SMYD3: variants seen among roughly 807,000 people sequenced by gnomAD.
SMYD3 encodes SET and MYND domain containing 3, also known as histone-lysine N-methyltransferase SMYD3.
Under a neutral mutation model 57.7 loss-of-function variants are expected in SMYD3, and 36 were observed. That is an observed-to-expected ratio of 0.62 (90% CI 0.48 to 0.82). The LOEUF (loss-of-function observed/expected upper bound fraction) is 0.82, where lower values mean the gene tolerates loss of function less well. Ranked by LOEUF, SMYD3 falls within the 40% of genes least tolerant of loss-of-function variation. The pLI, the probability that SMYD3 is intolerant of heterozygous loss-of-function variation, is 0.00. For missense variants in SMYD3, 515 were observed against 538.8 expected, an observed-to-expected ratio of 0.96 and a Z score of 0.44; for synonymous variants, 211 against 195.0, an observed-to-expected ratio of 1.08 and a Z score of -0.68.
chr1:246,221,597 G>A (rs1453094857), intron 5 of SMYD3, among the ~76,000 whole-genome samples: 1 of 152,192 alleles, frequency 6.6e-6, no homozygotes, highest in Non-Finnish European at 1.5e-5. Flanking sequence ...ATTCCCCGGT[G>A]CCAGACGGGA....
chr1:246,423,113 A>G (rs2067166962), intron 1 of SMYD3, among the ~76,000 whole-genome samples: 1 of 152,094 alleles, frequency 6.6e-6, no homozygotes, highest in East Asian at 1.9e-4. Context: ...TCTGACCAAC[A>G]TGGTGAAACC....
At chr1:246,238,579 T>C (rs1181502435) in intron 5 of SMYD3, among the ~76,000 whole-genome samples, 2 of 152,190 alleles carry the variant, frequency 1.3e-5, no homozygotes, top group African/African-American at 4.8e-5. Flanking sequence ...AAATGCAATC[T>C]TATGCCATTC....
chr1:245,791,952 TTGTGTG>T (rs59018021), intron 10 of SMYD3, among the ~76,000 whole-genome samples: 5,450 of 146,204 alleles, frequency 0.037, 326 homozygotes, highest in African/African-American at 0.13. Context: ...AATTTTAAAC[TTGTGTG>T]TGTGTGTGTG....
intron 1 of SMYD3, among the ~76,000 whole-genome samples, chr1:246,487,938 C>T (rs1379753756): frequency 2.0e-5 from 3 of 152,166 alleles, no homozygotes; most frequent in Non-Finnish European, 4.4e-5. Flanking sequence ...AGGTGATCTG[C>T]ATGCCTCAGC....
At chr1:245,810,597 G>A (rs1235274613) in intron 10 of SMYD3, among the ~76,000 whole-genome samples, 1 of 152,162 alleles carries the variant, frequency 6.6e-6, no homozygotes, top group Non-Finnish European at 1.5e-5. Flanking sequence ...AGTGATTCAA[G>A]AACTGATCAT....
intron 9 of SMYD3, among the ~76,000 whole-genome samples, chr1:245,863,388 T>C (rs2148492496): frequency 6.6e-6 from 1 of 152,266 alleles, no homozygotes; most frequent in African/African-American, 2.4e-5. Context: ...TAGTCGTGGC[T>C]GGTTTAATAT....
At chr1:245,860,168 A>G (rs1298947054) in intron 9 of SMYD3, among the ~76,000 whole-genome samples, 2 of 151,170 alleles carry the variant, frequency 1.3e-5, no homozygotes, top group African/African-American at 4.9e-5. Context: ...TCGTGCCCCC[A>G]CACCCCTCCC....
intron 10 of SMYD3, among the ~76,000 whole-genome samples, chr1:245,828,955 G>A (rs903039377): frequency 1.3e-5 from 2 of 151,744 alleles, no homozygotes; most frequent in Middle Eastern, 3.2e-3. Flanking sequence ...TGCCTGACTC[G>A]GCCTCCCAAA....
At position 245,875,847 on chromosome 1, in the gene SMYD3, T is replaced by A. The variant is rs115809316; in HGVS notation, c.814-11961A>T. ...CTACTCTGAAAGTAAGATTTTAAGG[T>A]TTGTAAATGCTTACCAACTAAAATA... On this transcript the variant is annotated intron_variant, in intron 8 of 11. Coordinates refer to ENST00000490107, the MANE Select transcript of SMYD3 (RefSeq NM_001167740.2). 5.9e-3 allele frequency among the ~76,000 whole-genome samples: 894 copies of A among 152,312 alleles called. 3 individuals are homozygous for A. Among genetic ancestry groups the A allele is most frequent in the South Asian group, 0.014 (67 of 4,820 alleles).
chr1:246,099,097 T>C (rs79016376), intron 5 of SMYD3, among the ~76,000 whole-genome samples: 2,219 of 152,316 alleles, frequency 0.015, 55 homozygotes, highest in African/African-American at 0.051. Flanking sequence ...TTAATCTCTT[T>C]GGTTGTATCA....
chr1:245,761,786 C>CTTTTTTT lies in SMYD3; in HGVS notation c.1185+2248_1185+2254dup, dbSNP rs534305833. On this transcript the variant is annotated intron_variant, in intron 11 of 11. Coordinates refer to ENST00000490107, the MANE Select transcript of SMYD3 (RefSeq NM_001167740.2). ...TTAAATTGTACACACCATATTGAGT[C>CTTTTTTT]TTTTTTTTTTTTTTTTTTTGAGACA... Among the ~76,000 whole-genome samples, 268 of 115,720 alleles carry CTTTTTTT rather than the reference C, an allele frequency of 2.3e-3. 18 individuals are homozygous for CTTTTTTT. The highest frequency in any genetic ancestry group is 9.2e-3 in the African/African-American group (248 of 26,894). 75.9% of individuals were successfully genotyped at this position (115,720 alleles called of 152,430 possible).
At chr1:246,197,241 C>T (rs750118302) in intron 5 of SMYD3, among the ~76,000 whole-genome samples, 13 of 152,268 alleles carry the variant, frequency 8.5e-5, no homozygotes, top group Middle Eastern at 3.4e-3. Context: ...GGAGGTGGAA[C>T]GTGGCTCCCC....
chr1:245,798,089 ATTTT>A (rs763778852), intron 10 of SMYD3, among the ~76,000 whole-genome samples: 32,314 of 150,720 alleles, frequency 0.21, 4,801 homozygotes, highest in African/African-American at 0.42. Flanking sequence ...AAACATTCTT[ATTTT>A]TTTTTTTAAA....
At chr1:246,007,681 G>A (rs1473720995) in intron 5 of SMYD3, among the ~76,000 whole-genome samples, 4 of 151,762 alleles carry the variant, frequency 2.6e-5, no homozygotes, top group Non-Finnish European at 5.9e-5. Flanking sequence ...GCCAGGCATG[G>A]TGCCATATGC....
intron 10 of SMYD3, among the ~76,000 whole-genome samples, chr1:245,800,173 G>A (rs543899233): frequency 3.9e-5 from 6 of 152,026 alleles, no homozygotes; most frequent in Non-Finnish European, 7.4e-5. Context: ...TCCTGCTACC[G>A]GGTCAGGGAG....
intron 10 of SMYD3, among the ~76,000 whole-genome samples, chr1:245,849,328 G>T (rs1294071206): frequency 6.6e-6 from 1 of 152,164 alleles, no homozygotes; most frequent in Non-Finnish European, 1.5e-5. Context: ...AGCAGGATTT[G>T]GTGAAAGTCA....
chr1:245,778,412 T>C (rs2046691851), intron 10 of SMYD3, among the ~76,000 whole-genome samples: 1 of 152,094 alleles, frequency 6.6e-6, no homozygotes. Flanking sequence ...ATAAGAACAA[T>C]TCAATGGAGT....
intron 5 of SMYD3, among the ~76,000 whole-genome samples, chr1:245,964,529 T>G (rs903650240): frequency 2.8e-4 from 42 of 152,160 alleles, no homozygotes; most frequent in Non-Finnish European, 1.2e-4. Context: ...AGCAGAAATA[T>G]TGGAATCATT....
chr1:246,405,417 C>T (rs755528553), intron 1 of SMYD3, among the ~76,000 whole-genome samples: 3 of 152,142 alleles, frequency 2.0e-5, no homozygotes, highest in Non-Finnish European at 4.4e-5. Flanking sequence ...TTAATAGACA[C>T]TAATCCACTT....
Sources: allele counts gnomAD v4.1 joint callset (sites outside exome capture counted in the v4.1 genomes callset), GRCh38; gene constraint gnomAD v4.1.1; transcripts MANE v1.5; gene names NCBI Gene and HGNC (gene_info 2026-07-23, HGNC 2026-07-21).